NR1D2: variants seen among roughly 807,000 people sequenced by gnomAD.
NR1D2 encodes the protein nuclear receptor subfamily 1 group D member 2, also known as V-erbA-related protein 1-related.
In NR1D2, 25 loss-of-function variants were observed where a neutral mutation model predicts 52.2. The ratio of observed to expected loss-of-function variants is 0.48; its 90% CI spans 0.35 to 0.67. NR1D2 has a LOEUF of 0.67. Ranked by LOEUF, NR1D2 falls within the 30% of genes least tolerant of loss-of-function variation. The probability of loss-of-function intolerance (pLI) is 0.01; values close to 1 mark genes in which losing one functional copy is unlikely to be tolerated. For missense variants in NR1D2, 681 were observed against 707.2 expected, an observed-to-expected ratio of 0.96 and a Z score of 0.42; for synonymous variants, 259 against 230.1, an observed-to-expected ratio of 1.13 and a Z score of -1.14.
intron 1 of NR1D2, among the ~76,000 whole-genome samples, chr3:23,952,087 C>G (rs1705948640): frequency 6.6e-6 from 1 of 152,200 alleles, no homozygotes; most frequent in Non-Finnish European, 1.5e-5. Flanking sequence ...TCCAGTAGAT[C>G]TGGAGCGGAG....
In NR1D2 at chr3:23,945,511, AGGC is replaced by A. The variant is rs369955272; in HGVS notation, c.-54_-52del. 81 of 930,572 alleles carry A rather than the reference AGGC, an allele frequency of 8.7e-5. No individual in the cohort carries two copies. The highest frequency in any genetic ancestry group is 3.1e-4 in the South Asian group (6 of 19,562). 57.6% of individuals were successfully genotyped at this position (930,572 alleles called of 1,614,324 possible). On this transcript the variant is annotated 5_prime_UTR_variant, in exon 1 of 8. Transcript: ENST00000312521. ...TCCAGCCCGGGGCGGCGCGGCGCTG[AGGC>A]GGCGGCGGCGGCGCTGCCCCCTCTG...
intron 3 of NR1D2, 27 bp downstream of exon 3, chr3:23,956,152 C>T (rs371218733): frequency 3.2e-6 from 5 of 1,553,316 alleles, no homozygotes; most frequent in Non-Finnish European, 4.4e-6. Context: ...TTTCTTTAAG[C>T]TACTGATTCT....
intron 7 of NR1D2, among the ~76,000 whole-genome samples, chr3:23,971,409 C>G (rs1386875691): frequency 6.8e-6 from 1 of 146,774 alleles, no homozygotes; most frequent in African/African-American, 2.5e-5. Flanking sequence ...GCTGGGATTA[C>G]AGGTGCCCAA....
At chr3:23,946,167 C>T in intron 1 of NR1D2, 1 of 985,182 alleles carries the variant, frequency 1.0e-6, no homozygotes, top group Middle Eastern at 5.2e-4. Context: ...GCCGCGCGTG[C>T]GCGCCCGCTG....
Position 23,956,059 on chromosome 3 carries a change from G to A in NR1D2, c.306G>A (p.Leu102=), listed in dbSNP as rs200998427. The A allele has an allele frequency of 3.1e-6, 5 of 1,614,006 alleles. No homozygotes were observed. The East Asian group carries it at 8.9e-5, about 29-fold the overall frequency. Residue 102 remains leucine (L), a synonymous_variant, in exon 3 of 8, where the codon CTG becomes CTA. Coordinates refer to ENST00000312521, the MANE Select transcript of NR1D2 (RefSeq NM_005126.5). ...TAGAATTTAGTGGCATGGTTCTACTGTGTAAAGTCTGTGGGGATGTGGCGT... is the reference window on the plus strand; with the variant it reads ...TAGAATTTAGTGGCATGGTTCTACTATGTAAAGTCTGTGGGGATGTGGCGT... ...GVTKFSGMVL[L]CKVCGDVASG...
At chr3:23,958,959 GCAAACAAA>G (rs1045766064) in intron 3 of NR1D2, among the ~76,000 whole-genome samples, 2 of 152,018 alleles carry the variant, frequency 1.3e-5, no homozygotes, top group South Asian at 4.2e-4. Flanking sequence ...AAGAAAGCAA[GCAAACAAA>G]CAAACAAAAA....
chr3:23,950,992 G>A (rs1391218881), intron 1 of NR1D2, among the ~76,000 whole-genome samples: 1 of 141,448 alleles, frequency 7.1e-6, no homozygotes, highest in Non-Finnish European at 1.5e-5. Context: ...CGCAACCTCC[G>A]CCTCCCGGGT....
At chr3:23,966,618 T>C (rs1206774653) in intron 6 of NR1D2, among the ~76,000 whole-genome samples, 1 of 152,270 alleles carries the variant, frequency 6.6e-6, no homozygotes, top group Non-Finnish European at 1.5e-5. Context: ...TAATTTTATA[T>C]TGCATTTCAG....
chr3:23,967,192 G>A (rs55768083), intron 6 of NR1D2, among the ~76,000 whole-genome samples: 1,695 of 152,122 alleles, frequency 0.011, 22 homozygotes, highest in South Asian at 0.019. Context: ...GCGTGGTGGC[G>A]TGTGCCTGTA....
At chr3:23,952,449 C>G (rs1222563095) in intron 1 of NR1D2, among the ~76,000 whole-genome samples, 1 of 151,978 alleles carries the variant, frequency 6.6e-6, no homozygotes, top group Non-Finnish European at 1.5e-5. Context: ...GTGGCTCACA[C>G]CTGTAATCTC....
chr3:23,963,144 A>T, intron 5 of NR1D2: 1 of 560,028 alleles, frequency 1.8e-6, no homozygotes, highest in East Asian at 6.4e-5. Flanking sequence ...CTCAGACTTC[A>T]TCTTATGAGA....
In NR1D2 at chr3:23,949,262, G is replaced by T. The variant is rs1052155434; in HGVS notation, c.16+3668G>T. Among the ~76,000 whole-genome samples, 10 of 152,100 alleles carry T rather than the reference G, an allele frequency of 6.6e-5. No individual in the cohort carries two copies. The South Asian group carries it at 2.1e-3, about 32-fold the overall frequency. On this transcript the variant is annotated intron_variant, in intron 1 of 7. Transcript: ENST00000312521. ...TGCCTGTAATCCCAGCTACTTGGGA[G>T]ACTGAGGCAGGAGAATCGCTTGAAC... is the stretch of plus-strand genomic sequence containing the variant.
intron 1 of NR1D2, among the ~76,000 whole-genome samples, chr3:23,950,750 T>C (rs1705904014): frequency 6.6e-6 from 1 of 152,156 alleles, no homozygotes; most frequent in Admixed American, 6.5e-5. Flanking sequence ...AATAGCCCAG[T>C]AGTTTCTTTT....
rs1330924333 is a variant in NR1D2 at position 23,978,056 on chromosome 3, T to C, written c.*637T>C. 6.6e-6 allele frequency: 1 copy of C among 152,180 alleles called. No individual in the cohort carries two copies. The highest frequency in any genetic ancestry group is 1.9e-4 in the East Asian group (1 of 5,200). The allele number at this position is 152,180 out of a possible 1,614,324, so 9.4% of individuals were successfully genotyped here. ...GGCACTATGTAAATAAGGTAAAATT[T>C]CTGTTATTACAATTATTCATAATAA... On this transcript the variant is annotated 3_prime_UTR_variant, in exon 8 of 8. Transcript: ENST00000312521.
chr3:23,974,005 A>G (rs750744026), intron 7 of NR1D2, among the ~76,000 whole-genome samples: 4 of 148,802 alleles, frequency 2.7e-5, no homozygotes, highest in East Asian at 2.0e-4. Context: ...GTCATCATCT[A>G]TCACCTTCTA....
At chr3:23,948,803 C>T (rs190921819) in intron 1 of NR1D2, among the ~76,000 whole-genome samples, 1 of 152,250 alleles carries the variant, frequency 6.6e-6, no homozygotes, top group East Asian at 1.9e-4. Flanking sequence ...TGTACTTTAG[C>T]CTGCATAATA....
chr3:23,971,468 C>T (rs1403489829), intron 7 of NR1D2, among the ~76,000 whole-genome samples: 1 of 151,890 alleles, frequency 6.6e-6, no homozygotes, highest in Non-Finnish European at 1.5e-5. Context: ...AGGGTTTCGT[C>T]GTGTTGGCCG....
intron 1 of NR1D2, among the ~76,000 whole-genome samples, chr3:23,953,184 AAT>A (rs1559330455): frequency 6.6e-6 from 1 of 151,702 alleles, no homozygotes; most frequent in East Asian, 1.9e-4. Flanking sequence ...TAAAAAAAAA[AAT>A]ACAAAAATTG....
intron 1 of NR1D2, among the ~76,000 whole-genome samples, chr3:23,947,626 C>T (rs1156981480): frequency 6.6e-6 from 1 of 152,160 alleles, no homozygotes; most frequent in East Asian, 1.9e-4. Flanking sequence ...TCAACTAGGA[C>T]CTTTCACGTG....
Sources: allele counts gnomAD v4.1 joint callset (sites outside exome capture counted in the v4.1 genomes callset), GRCh38; gene constraint gnomAD v4.1.1; transcripts MANE v1.5; gene names NCBI Gene and HGNC (gene_info 2026-07-23, HGNC 2026-07-21).